Variants in DAB1 observed in about 807,000 individuals in gnomAD.
The protein encoded by DAB1 is DAB adaptor protein 1.
A neutral mutation model predicts 64.6 loss-of-function variants in DAB1; 15 were observed. That is an observed-to-expected ratio of 0.23 (90% CI 0.16 to 0.36). DAB1 has a LOEUF of 0.36. Among genes scored for constraint, DAB1 ranks in the 10% least tolerant of loss-of-function variants. The probability of loss-of-function intolerance (pLI) is 1.00; values close to 1 mark genes in which losing one functional copy is unlikely to be tolerated. For synonymous variants in DAB1, 235 were observed against 251.9 expected, an observed-to-expected ratio of 0.93 and a Z score of 0.64; for missense variants, 596 against 706.7, an observed-to-expected ratio of 0.84 and a Z score of 1.78.
chr1:58,544,609 C>T (rs528363356), intron 1 of DAB1, among the ~76,000 whole-genome samples: 15 of 152,216 alleles, frequency 9.9e-5, no homozygotes, highest in African/African-American at 3.6e-4. Context: ...CTTTTCTTTT[C>T]GAGACAGGGT....
intron 7 of DAB1, among the ~76,000 whole-genome samples, chr1:57,438,757 G>A (rs1685793789): frequency 6.6e-6 from 1 of 151,982 alleles, no homozygotes; most frequent in Non-Finnish European, 1.5e-5. Flanking sequence ...ATGATCTTAG[G>A]GAACTATTTC....
At chr1:57,133,086 T>C (rs1246073895) in intron 4 of DAB1, among the ~76,000 whole-genome samples, 1 of 152,148 alleles carries the variant, frequency 6.6e-6, no homozygotes, top group African/African-American at 2.4e-5. Context: ...CTTCATAGAA[T>C]TGCCGTAGCA....
chr1:57,675,140 G>C (rs1474769740), intron 6 of DAB1, among the ~76,000 whole-genome samples: 2 of 152,206 alleles, frequency 1.3e-5, no homozygotes, highest in Admixed American at 6.5e-5. Flanking sequence ...AACAGTCTCT[G>C]TTCCCTAACA....
intron 6 of DAB1, among the ~76,000 whole-genome samples, chr1:57,695,256 A>G (rs11207093): frequency 0.1 from 3,171 of 31,816 alleles, 905 homozygotes; most frequent in African/African-American, 0.4. Context: ...AAAGAAAGAA[A>G]GAAGGAAGGA....
Position 57,439,418 on chromosome 1 carries a change from G to GTTTTTTTTTTTTTTTTTTTTTT in DAB1, n.626-148253_626-148252insAAAAAAAAAAAAAAAAAAAAAA. 9.6e-4 allele frequency among the ~76,000 whole-genome samples: 111 copies of GTTTTTTTTTTTTTTTTTTTTTT among 116,120 alleles called. 19 individuals carry two copies. Among genetic ancestry groups the GTTTTTTTTTTTTTTTTTTTTTT allele is most frequent in the African/African-American group, 3.3e-3 (92 of 28,270 alleles). The allele number at this position is 116,120 out of a possible 152,430, so 76.2% of individuals were successfully genotyped here. A position where few individuals can be genotyped will look rare whatever the true frequency, so the allele number is the denominator to read the frequency against. ...GCCATGCCATCAACTTGGTGATGAG[G>GTTTTTTTTTTTTTTTTTTTTTT]TTTTTTCTTTTTTTTTTTTTTTTTT... is the stretch of plus-strand genomic sequence containing the variant. On this transcript the variant is annotated intron_variant and non_coding_transcript_variant, in intron 7 of 20. Transcript: ENST00000485760.
chr1:57,371,295 G>A (rs1051565611), intron 1 of DAB1, among the ~76,000 whole-genome samples: 1 of 152,146 alleles, frequency 6.6e-6, no homozygotes, highest in East Asian at 1.9e-4. Flanking sequence ...TGTTGAAATC[G>A]CCACAAAAAC....
chr1:57,045,596 A>C (rs1158297990), intron 9 of DAB1, among the ~76,000 whole-genome samples: 2 of 151,998 alleles, frequency 1.3e-5, no homozygotes, highest in Non-Finnish European at 2.9e-5. Flanking sequence ...TACTTGGGAG[A>C]CTGAGGCAGG....
chr1:57,468,123 G>A (rs563363451), intron 7 of DAB1, among the ~76,000 whole-genome samples: 31 of 152,264 alleles, frequency 2.0e-4, no homozygotes, highest in East Asian at 5.8e-4. Context: ...AAGACTGTGC[G>A]TTTCTCAGAG....
intron 11 of DAB1, among the ~76,000 whole-genome samples, chr1:57,019,211 G>C (rs3754267): frequency 6.6e-6 from 1 of 152,166 alleles, no homozygotes; most frequent in Admixed American, 6.5e-5. Flanking sequence ...TGGGACGGGA[G>C]AAAGGCCCTA....
At chr1:57,010,570 G>T in intron 14 of DAB1, 110 bp downstream of exon 14, 1 of 545,750 alleles carries the variant, frequency 1.8e-6, no homozygotes, top group Non-Finnish European at 3.3e-6. Flanking sequence ...TACAGCTCAG[G>T]CAAGGAGACA....
downstream of DAB1, among the ~76,000 whole-genome samples, chr1:57,821,916 C>A (rs1652138956): frequency 6.6e-6 from 1 of 152,152 alleles, no homozygotes; most frequent in Non-Finnish European, 1.5e-5. Flanking sequence ...TAACTATGAT[C>A]TCATTAAATT....
chr1:58,117,400 T>C (rs996039141), intron 5 of DAB1, among the ~76,000 whole-genome samples: 2 of 152,198 alleles, frequency 1.3e-5, no homozygotes, highest in Non-Finnish European at 2.9e-5. Flanking sequence ...TGATATGATA[T>C]GGTTGCCCAT....
chr1:57,744,019 G>T (rs943321710), intron 6 of DAB1, among the ~76,000 whole-genome samples: 19 of 152,244 alleles, frequency 1.2e-4, no homozygotes, highest in Non-Finnish European at 2.1e-4. Flanking sequence ...CGGGCCAGGT[G>T]TTCCTTGCCC....
At chr1:58,319,065 C>A (rs1662622652) in intron 4 of DAB1, among the ~76,000 whole-genome samples, 1 of 151,722 alleles carries the variant, frequency 6.6e-6, no homozygotes, top group Non-Finnish European at 1.5e-5. Context: ...TTGAGAAGAG[C>A]ACATTTCTAG....
chr1:58,466,860 C>A (rs1453756187), intron 3 of DAB1, among the ~76,000 whole-genome samples: 1 of 152,188 alleles, frequency 6.6e-6, no homozygotes, highest in Non-Finnish European at 1.5e-5. Flanking sequence ...AGTTGGGGGA[C>A]TCCTTGTGGT....
intron 4 of DAB1, among the ~76,000 whole-genome samples, chr1:58,166,813 C>T (rs1376183685): frequency 6.9e-6 from 1 of 145,122 alleles, no homozygotes; most frequent in Non-Finnish European, 1.5e-5. Flanking sequence ...AGTGTAGTGA[C>T]ATCATCACTG....
intron 1 of DAB1, among the ~76,000 whole-genome samples, chr1:57,374,310 C>G (rs1680731355): frequency 6.6e-6 from 1 of 152,136 alleles, no homozygotes; most frequent in Admixed American, 6.5e-5. Context: ...GATCATCCAA[C>G]AGAATAAAAT....
At chr1:58,504,500 C>T (rs1249704767) in intron 3 of DAB1, among the ~76,000 whole-genome samples, 1 of 152,052 alleles carries the variant, frequency 6.6e-6, no homozygotes, top group Non-Finnish European at 1.5e-5. Context: ...CTCTCTAATA[C>T]CTTTAATCTG....
chr1:58,436,238 A>T (rs1190618835), intron 3 of DAB1, among the ~76,000 whole-genome samples: 1 of 152,060 alleles, frequency 6.6e-6, no homozygotes, highest in Non-Finnish European at 1.5e-5. Context: ...AGTGGCATGG[A>T]GTGCCAAGAA....
Sources: allele counts gnomAD v4.1 joint callset (sites outside exome capture counted in the v4.1 genomes callset), GRCh38; gene constraint gnomAD v4.1.1; transcripts MANE v1.5; gene names NCBI Gene and HGNC (gene_info 2026-07-23, HGNC 2026-07-21).